KIF1B: variants seen among roughly 807,000 people sequenced by gnomAD.
KIF1B encodes the protein kinesin family member 1B.
In KIF1B, 76 loss-of-function variants were observed where a neutral mutation model predicts 241.9. That is an observed-to-expected ratio of 0.31 (90% CI 0.26 to 0.38). The LOEUF is 0.38. Among genes scored for constraint, KIF1B ranks in the 10% least tolerant of loss-of-function variants. KIF1B has a pLI of 1.00. For synonymous variants in KIF1B, 750 were observed against 796.7 expected, an observed-to-expected ratio of 0.94 and a Z score of 0.99; for missense variants, 1,622 against 2,271.4, an observed-to-expected ratio of 0.71 and a Z score of 5.81.
At chr1:10,231,961 A>G (rs949467353) in intron 1 of KIF1B, among the ~76,000 whole-genome samples, 1 of 151,982 alleles carries the variant, frequency 6.6e-6, no homozygotes, top group Non-Finnish European at 1.5e-5. Flanking sequence ...GGAATATAAG[A>G]TTTGTCGGGG....
chr1:10,343,019 TCAAA>T (rs1407700247), intron 33 of KIF1B, among the ~76,000 whole-genome samples: 1 of 152,174 alleles, frequency 6.6e-6, no homozygotes, highest in Non-Finnish European at 1.5e-5. Flanking sequence ...CACGTGGAAG[TCAAA>T]CAGTTTCTCT....
intron 5 of KIF1B, 148 bp downstream of exon 5, chr1:10,262,118 T>G (rs1197157872): frequency 1.4e-6 from 1 of 711,098 alleles, no homozygotes; most frequent in Non-Finnish European, 2.6e-6. Context: ...GTTTTGGGTA[T>G]AATGAATAGT....
chr1:10,241,068 A>G (rs1647130174), intron 2 of KIF1B, among the ~76,000 whole-genome samples: 1 of 152,218 alleles, frequency 6.6e-6, no homozygotes, highest in South Asian at 2.1e-4. Context: ...CATGTATACT[A>G]TATAGCATAC....
rs113751882 is a variant in KIF1B, at chr1:10,285,188, T to TA, written c.1434+2656dup. 1.5e-3 allele frequency among the ~76,000 whole-genome samples: 236 copies of TA among 152,340 alleles called. 1 individual carries two copies. Among genetic ancestry groups the TA allele is most frequent in the African/African-American group, 5.4e-3 (226 of 41,578 alleles). On this transcript the variant is annotated intron_variant, in intron 15 of 48. Transcript: ENST00000676179. The stretch of plus-strand genomic sequence containing the variant: ...GGGAATGAGAAGTAAAACTCCCACT[T>TA]ACTGAGTCCTTAATATAAAATGTTC...
intron 27 of KIF1B, among the ~76,000 whole-genome samples, chr1:10,332,773 C>T (rs1267805918): frequency 6.6e-6 from 1 of 151,154 alleles, no homozygotes; most frequent in African/African-American, 2.4e-5. Flanking sequence ...CCTCGGCCTC[C>T]CAAAGTGCTG....
At chr1:10,304,500 TG>T in intron 22 of KIF1B, 1 of 1,612,674 alleles carries the variant, frequency 6.2e-7, no homozygotes, top group Non-Finnish European at 8.5e-7. Context: ...ATTATAACAC[TG>T]GAGGTCAGTT....
At chr1:10,277,038 G>A (rs1041105108) in intron 12 of KIF1B, among the ~76,000 whole-genome samples, 11 of 150,220 alleles carry the variant, frequency 7.3e-5, no homozygotes, top group East Asian at 2.0e-4. Context: ...CCGAGATGGC[G>A]CCACTGCACT....
Position 10,295,700 on chromosome 1 carries a change from C to T in KIF1B, c.1711C>T (p.Leu571=), listed in dbSNP as rs1289390182. The T allele has an allele frequency of 6.2e-7, 1 of 1,613,860 alleles. No individual in the cohort carries two copies. Among genetic ancestry groups the T allele is most frequent in the Non-Finnish European group, 8.5e-7 (1 of 1,179,968 alleles). ...ADAERRQDIV[L]SGAHIKEEHC... ...TGCTGAGCGGCGCCAGGACATAGTGCTGAGCGGGGCTCACATTAAAGAAGA... is the reference window on the plus strand; with the variant it reads ...TGCTGAGCGGCGCCAGGACATAGTGTTGAGCGGGGCTCACATTAAAGAAGA... The change falls in exon 19 of 49, where the codon CTG becomes TTG. Residue 571 remains leucine (L), a synonymous_variant. Transcript: ENST00000676179.
At chr1:10,282,796 C>T (rs996643156) in intron 15 of KIF1B, among the ~76,000 whole-genome samples, 4 of 152,058 alleles carry the variant, frequency 2.6e-5, no homozygotes, top group South Asian at 4.1e-4. Context: ...TAGATGTGTA[C>T]GTTAATTCTG....
Position 10,347,784 on chromosome 1 carries a change from A to G in KIF1B, c.3821A>G (p.His1274Arg). ...TGEYIPAVVD[H>R]TAGLPCQGTF... ...AGGTATATCCCAGCTGTGGTTGACC[A>G]CACAGCAGGCTTGCCTTGCCAGGGG... The change falls in exon 36 of 49, where the codon CAC (histidine) becomes CGC (arginine). Residue 1274 changes from histidine to arginine, a missense_variant. Transcript: ENST00000676179. 1 of 1,613,424 alleles carries G rather than the reference A, an allele frequency of 6.2e-7. No homozygotes were observed. The highest frequency in any genetic ancestry group is 8.5e-7 in the Non-Finnish European group (1 of 1,179,412).
At chr1:10,296,782 T>G (rs1323721691) in intron 20 of KIF1B, 115 bp from the exon 21 acceptor site, 1 of 1,392,186 alleles carries the variant, frequency 7.2e-7, no homozygotes, top group Non-Finnish European at 1.0e-6. Flanking sequence ...TTTGTTCTTG[T>G]AAAAACAACA....
At chr1:10,360,798 T>C (rs1011603152) in intron 38 of KIF1B, 131 bp from the exon 39 acceptor site, 7 of 732,444 alleles carry the variant, frequency 9.6e-6, no homozygotes, top group Admixed American at 7.9e-5. Context: ...CTCTCTGTTA[T>C]TAGAGTTTGA....
In KIF1B at chr1:10,210,594, G is replaced by C. The variant is rs1210671846; in HGVS notation, c.-364G>C. On this transcript the variant is annotated 5_prime_UTR_variant, in exon 1 of 49. Coordinates refer to ENST00000676179, the MANE Select transcript of KIF1B (RefSeq NM_001365951.3). The surrounding 1 kb of genome is among the most constrained non-coding windows in gnomAD (Gnocchi z 4.1). ...CAGTGTGACGGCAGCGGTCCTGGGA[G>C]GCGCCCGCGCGCGTCGGAGCAGCTC... Among the ~76,000 whole-genome samples, 7 of 151,986 alleles carry C rather than the reference G, an allele frequency of 4.6e-5. No individual in the cohort carries two copies. Among genetic ancestry groups the C allele is most frequent in the Admixed American group, 4.6e-4 (7 of 15,270 alleles).
At chr1:10,222,559 A>G (rs1389922644) in intron 1 of KIF1B, among the ~76,000 whole-genome samples, 2 of 152,250 alleles carry the variant, frequency 1.3e-5, no homozygotes, top group African/African-American at 4.8e-5. Context: ...GTATTATTTC[A>G]TTCTTGTTTA....
At position 10,365,695 on chromosome 1, in the gene KIF1B, C is replaced by T. The variant is rs1442487929; in HGVS notation, c.4752+47C>T. ...CTGAACGTCTTCCCACAAGGCTCCA[C>T]AAACTAGCCTCTCGGTTTATTCATT... On this transcript the variant is annotated intron_variant, in intron 43 of 48. Coordinates refer to ENST00000676179, the MANE Select transcript of KIF1B (RefSeq NM_001365951.3). This position sits in a 1 kb window ranked among gnomAD's most constrained non-coding sequence, Gnocchi z 4.0. 1.2e-6 allele frequency: 2 copies of T among 1,612,218 alleles called. No individual in the cohort carries two copies. The highest frequency in any genetic ancestry group is 1.7e-6 in the Non-Finnish European group (2 of 1,179,722).
At chr1:10,305,851 A>G (rs770916512) in intron 22 of KIF1B, 59 of 1,052,356 alleles carry the variant, frequency 5.6e-5, no homozygotes, top group South Asian at 1.4e-4. Flanking sequence ...GAGTTTGTCA[A>G]AAAGTTTTCT....
Position 10,365,395 on chromosome 1 carries a change from A to G in KIF1B, c.4513-14A>G, listed in dbSNP as rs767589723. On this transcript the variant is annotated splice_polypyrimidine_tract_variant and intron_variant, in intron 42 of 48. Coordinates refer to ENST00000676179, the MANE Select transcript of KIF1B (RefSeq NM_001365951.3). The surrounding 1 kb of genome is among the most constrained non-coding windows in gnomAD (Gnocchi z 4.0). ...GCTTTGTGTTTGCTATAGCAGTAGT[A>G]TTGATCTTCTCAGGTGGAAAAAACC... 3 of 1,614,024 alleles carry G rather than the reference A, an allele frequency of 1.9e-6. No individual in the cohort carries two copies. The Admixed American group carries it at 5.0e-5, about 27-fold the overall frequency.
At chr1:10,323,112 T>C (rs1025894314) in intron 24 of KIF1B, among the ~76,000 whole-genome samples, 4 of 152,100 alleles carry the variant, frequency 2.6e-5, no homozygotes, top group African/African-American at 4.8e-5. Context: ...TCCTTCCGCC[T>C]CGGCCTTCTA....
At chr1:10,347,596 A>ATAGATGTG (rs1471582985) in intron 35 of KIF1B, among the ~76,000 whole-genome samples, 165 bp from the exon 36 acceptor site, 2 of 152,250 alleles carry the variant, frequency 1.3e-5, no homozygotes, top group Non-Finnish European at 2.9e-5. Context: ...GGATTGAGAC[A>ATAGATGTG]TAGATGTGTG....
Sources: allele counts gnomAD v4.1 joint callset (sites outside exome capture counted in the v4.1 genomes callset), GRCh38; gene constraint gnomAD v4.1.1; non-coding constraint Gnocchi (gnomAD v3.1); transcripts MANE v1.5; gene names NCBI Gene and HGNC (gene_info 2026-07-23, HGNC 2026-07-21).